VMA21: variants seen among roughly 807,000 people sequenced by gnomAD.
VMA21 encodes the protein vacuolar ATPase assembly factor VMA21.
For missense variants in VMA21, 61 were observed against 80.6 expected, an observed-to-expected ratio of 0.76 and a Z score of 0.93; for synonymous variants, 47 against 34.1, an observed-to-expected ratio of 1.38 and a Z score of -1.32.
At chrX:151,397,107 T>TACGGCGCGCC, upstream of VMA21, 1 of 346,427 alleles carries the variant, frequency 2.9e-6, no homozygotes, top group African/African-American at 3.1e-5. Flanking sequence ...CCTGCGTCGC[T>TACGGCGCGCC]GCGGCGCGCC....
intron 2 of VMA21, among the ~76,000 whole-genome samples, chrX:151,404,520 G>A (rs1470536204): frequency 8.9e-6 from 1 of 112,063 alleles, no homozygotes; most frequent in East Asian, 2.8e-4. Flanking sequence ...CCAGGTTCAC[G>A]CCATTCTGCT....
chrX:151,401,863 C>T (rs1473097414), intron 1 of VMA21, among the ~76,000 whole-genome samples: 1 of 110,959 alleles, frequency 9.0e-6, no homozygotes, highest in East Asian at 2.8e-4. Context: ...CCTCCCACTT[C>T]AGCCTCTTGA....
intron 2 of VMA21, 82 bp downstream of exon 2, chrX:151,403,822 T>A (rs1028850253): frequency 2.9e-6 from 2 of 685,783 alleles, no homozygotes; most frequent in Non-Finnish European, 4.6e-6. Flanking sequence ...ATCTTTAAAC[T>A]GGGTATTCTT....
In VMA21 at chrX:151,404,980, C is replaced by A. The variant is rs1420326652; in HGVS notation, c.228C>A (p.Val76=). 6 of 1,208,179 alleles carry A rather than the reference C, an allele frequency of 5.0e-6. No individual in the cohort carries two copies. Among genetic ancestry groups the A allele is most frequent in the Non-Finnish European group, 6.7e-6 (6 of 894,815 alleles). The change falls in exon 3 of 3, where the codon GTC becomes GTA. Residue 76 remains valine, a synonymous_variant. Coordinates refer to ENST00000330374, the MANE Select transcript of VMA21 (RefSeq NM_001017980.4). The stretch of plus-strand genomic sequence containing the variant: ...CTGCTATTGTTGCAGTGGTCGCCGT[C>A]CATGTGGTGCTGGCCCTCTTTGTGT... ...FYAAIVAVVA[V]HVVLALFVYV... is the part of the protein sequence containing the mutation.
chrX:151,403,497 G>T, intron 1 of VMA21, 134 bp from the exon 2 acceptor site: 1 of 551,849 alleles, frequency 1.8e-6, no homozygotes, highest in Non-Finnish European at 3.2e-6. Flanking sequence ...TAGGATCTTC[G>T]GATTACGAGT....
intron 1 of VMA21, among the ~76,000 whole-genome samples, chrX:151,400,540 A>G (rs766178416): frequency 1.8e-5 from 2 of 112,049 alleles, no homozygotes; most frequent in Admixed American, 9.5e-5. Flanking sequence ...TTTACGAGGT[A>G]GTGATTTCAT....
chrX:151,409,079 C>T lies in VMA21; in HGVS notation c.*4021C>T, dbSNP rs1699457221. The T allele has an allele frequency of 8.9e-6, 1 of 112,328 alleles. No individual in the cohort carries two copies. The highest frequency in any genetic ancestry group is 3.2e-5 in the African/African-American group (1 of 30,827). The allele number at this position is 112,328 out of a possible 1,213,427, so 9.3% of individuals were successfully genotyped here. A position where few individuals can be genotyped will look rare whatever the true frequency, so the allele number is the denominator to read the frequency against. On this transcript the variant is annotated 3_prime_UTR_variant, in exon 3 of 3. Coordinates refer to ENST00000330374, the MANE Select transcript of VMA21 (RefSeq NM_001017980.4). ...CCTGTTACGAGATGTCTCTTGACGTCGATGCTAAAAGTGTTAGAATCTTTA... is the reference window on the plus strand; with the variant it reads ...CCTGTTACGAGATGTCTCTTGACGTTGATGCTAAAAGTGTTAGAATCTTTA...
chrX:151,400,784 C>G (rs1343863128), intron 1 of VMA21, among the ~76,000 whole-genome samples: 2 of 111,877 alleles, frequency 1.8e-5, no homozygotes, highest in Non-Finnish European at 3.8e-5. Context: ...ATTTGCATTT[C>G]CCTGATGATT....
At chrX:151,397,021 C>T (rs1249741201), upstream of VMA21, 5 of 506,366 alleles carry the variant, frequency 9.9e-6, no homozygotes, top group African/African-American at 9.4e-5. Context: ...GAGCACAGGC[C>T]CCTCCTGGCA....
At chrX:151,404,882 A>T in intron 2 of VMA21, 34 bp from the exon 3 acceptor site, 1 of 1,202,214 alleles carries the variant, frequency 8.3e-7, no homozygotes, top group Non-Finnish European at 1.1e-6. Flanking sequence ...TAAATTTTGC[A>T]ATAAAATGGA....
rs759750114 is a variant in VMA21, at chrX:151,399,238, G to A, written c.53+1877G>A. On this transcript the variant is annotated intron_variant, in intron 1 of 2. Coordinates refer to ENST00000330374, the MANE Select transcript of VMA21 (RefSeq NM_001017980.4). ...AAGGAATTAGCCATAAATTATTAAG[G>A]TATGCTGTGTATAGATTGTGTGGGG... Among the ~76,000 whole-genome samples, 126 of 112,202 alleles carry A rather than the reference G, an allele frequency of 1.1e-3. 3 individuals carry two copies. Among genetic ancestry groups the A allele is most frequent in the Non-Finnish European group, 4.3e-4 (23 of 53,221 alleles).
chrX:151,397,616 C>G (rs2011204479), intron 1 of VMA21, among the ~76,000 whole-genome samples: 1 of 108,112 alleles, frequency 9.2e-6, no homozygotes, highest in Non-Finnish European at 1.9e-5. Context: ...TATCCTAGCA[C>G]TTTCTCTCGC....
intron 2 of VMA21, among the ~76,000 whole-genome samples, chrX:151,404,160 G>A (rs2011263037): frequency 9.4e-6 from 1 of 106,559 alleles, no homozygotes; most frequent in Non-Finnish European, 1.9e-5. Context: ...CGCAACCCCC[G>A]CCTCCCATGT....
rs1231080732 is a variant in VMA21, at chrX:151,405,699, C to G, written c.*641C>G. 1 of 112,282 alleles carries G rather than the reference C, an allele frequency of 8.9e-6. No homozygotes were observed. The highest frequency in any genetic ancestry group is 1.9e-5 in the Non-Finnish European group (1 of 53,274). The allele number at this position is 112,282 out of a possible 1,213,427, so 9.3% of individuals were successfully genotyped here. A position where few individuals can be genotyped will look rare whatever the true frequency, so the allele number is the denominator to read the frequency against. ...AGAGCAAAGCAAAGATCTCACTACT[C>G]AAACACTCAGCCTGCTTCCTTCAAG... On this transcript the variant is annotated 3_prime_UTR_variant, in exon 3 of 3. Transcript: ENST00000330374.
In VMA21 at chrX:151,398,083, A is replaced by C. The variant is rs184969422; in HGVS notation, c.53+722A>C. Among the ~76,000 whole-genome samples, 12 of 110,382 alleles carry C rather than the reference A, an allele frequency of 1.1e-4. No homozygotes were observed. The East Asian group carries it at 3.4e-3, about 31-fold the overall frequency. ...TACAGAATTAGGCGACAAAGTTAGT[A>C]TGTAATTGAAGCTAACGTTTGACCA... On this transcript the variant is annotated intron_variant, in intron 1 of 2. Coordinates refer to ENST00000330374, the MANE Select transcript of VMA21 (RefSeq NM_001017980.4).
In VMA21 at chrX:151,406,360, T is replaced by C. The variant is rs2011291743; in HGVS notation, c.*1302T>C. The C allele has an allele frequency of 9.0e-6, 1 of 111,114 alleles. No homozygotes were observed. Among genetic ancestry groups the C allele is most frequent in the Non-Finnish European group, 1.9e-5 (1 of 53,064 alleles). The allele number at this position is 111,114 out of a possible 1,213,427, so 9.2% of individuals were successfully genotyped here. The stretch of plus-strand genomic sequence containing the variant: ...GATGAGTGATTATTGGCCATTTTCT[T>C]TTTCTTTTTCTTTATTTTATTTATT... On this transcript the variant is annotated 3_prime_UTR_variant, in exon 3 of 3. Transcript: ENST00000330374.
intron 2 of VMA21, 113 bp from the exon 3 acceptor site, chrX:151,404,803 A>G: frequency 2.2e-6 from 2 of 903,035 alleles, no homozygotes; most frequent in Non-Finnish European, 3.1e-6. Context: ...TTACTTTTTA[A>G]TTGCCTGACT....
In VMA21 at chrX:151,405,043, A is replaced by G. The variant is rs1361409196; in HGVS notation, c.291A>G (p.Glu97=). The G allele has an allele frequency of 4.1e-6, 5 of 1,209,184 alleles. No individual in the cohort carries two copies. The African/African-American group carries it at 8.8e-5, about 21-fold the overall frequency. The change falls in exon 3 of 3, where the codon GAA becomes GAG. Residue 97 remains glutamate, a synonymous_variant. Coordinates refer to ENST00000330374, the MANE Select transcript of VMA21 (RefSeq NM_001017980.4). ...AWNEGSRQWR[E]GKQD is the part of the protein sequence containing the mutation. ...ATGAAGGCTCACGACAGTGGCGTGA[A>G]GGCAAACAGGATTAAAGTGAACATC... is the stretch of plus-strand genomic sequence containing the variant.
chrX:151,401,089 A>G (rs1340700427), intron 1 of VMA21, among the ~76,000 whole-genome samples: 1 of 112,368 alleles, frequency 8.9e-6, no homozygotes. Context: ...TTGGTGTGAT[A>G]TCCAAAAAAT....
Sources: allele counts gnomAD v4.1 joint callset (sites outside exome capture counted in the v4.1 genomes callset), GRCh38; gene constraint gnomAD v4.1.1; transcripts MANE v1.5; gene names NCBI Gene and HGNC (gene_info 2026-07-23, HGNC 2026-07-21).